GALNT2: variants seen among roughly 807,000 people sequenced by gnomAD.
The protein encoded by GALNT2 is UDP-GalNAc:polypeptide N-acetylgalactosaminyltransferase 2.
Under a neutral mutation model 81.4 loss-of-function variants are expected in GALNT2, and 31 were observed. That is an observed-to-expected ratio of 0.38 (90% CI 0.29 to 0.51). The LOEUF is 0.51. GALNT2 is among the 20% of genes least tolerant of loss of function. The pLI is 0.87. For synonymous variants in GALNT2, 303 were observed against 287.4 expected (o/e 1.05, Z -0.55); for missense variants, 629 against 765.7 (o/e 0.82, Z 2.11).
intron 1 of GALNT2, among the ~76,000 whole-genome samples, chr1:230,134,119 T>TG (rs58535948): frequency 0.049 from 6,663 of 137,270 alleles, 470 homozygotes; most frequent in East Asian, 0.32. Context: ...TCTGTTTTTT[T>TG]TTTTTTTTTT....
At chr1:230,094,416 C>T (rs537298742) in intron 1 of GALNT2, among the ~76,000 whole-genome samples, 3 of 151,940 alleles carry the variant, frequency 2.0e-5, no homozygotes, top group Non-Finnish European at 4.4e-5. Flanking sequence ...GGGTGGATTA[C>T]CTGAGCTCAG....
chr1:230,089,445 G>A (rs923835962), intron 1 of GALNT2, among the ~76,000 whole-genome samples: 1 of 152,088 alleles, frequency 6.6e-6, no homozygotes, highest in African/African-American at 2.4e-5. Flanking sequence ...GAGCCGCAGT[G>A]CCCATAACCA....
chr1:230,250,637 A>G, intron 10 of GALNT2, 77 bp downstream of exon 10: 2 of 1,033,524 alleles, frequency 1.9e-6, no homozygotes, highest in South Asian at 1.6e-5. Context: ...TGGAAAAAAA[A>G]TTTAAAAGGC....
At chr1:230,092,991 C>G (rs1660139963) in intron 1 of GALNT2, among the ~76,000 whole-genome samples, 1 of 152,202 alleles carries the variant, frequency 6.6e-6, no homozygotes, top group Admixed American at 6.5e-5. Context: ...TAATGCTCAG[C>G]ATAATCCTGC....
At chr1:230,260,696 A>G (rs543829156) in intron 11 of GALNT2, among the ~76,000 whole-genome samples, 10 of 152,288 alleles carry the variant, frequency 6.6e-5, no homozygotes, top group African/African-American at 2.4e-4. Context: ...CCCCACTAAC[A>G]ATGTTTAGTG....
At chr1:230,265,404 A>G (rs368968632) in intron 14 of GALNT2, 37 bp downstream of exon 14, 2 of 1,613,540 alleles carry the variant, frequency 1.2e-6, no homozygotes, top group Non-Finnish European at 1.7e-6. Flanking sequence ...CTGCAGGCCC[A>G]GAGAGAGCAG....
intron 3 of GALNT2, among the ~76,000 whole-genome samples, chr1:230,212,124 G>A (rs1004725583): frequency 2.6e-5 from 4 of 152,150 alleles, no homozygotes; most frequent in Admixed American, 6.5e-5. Flanking sequence ...TGTCTATGAG[G>A]CAGACGAGAA....
In GALNT2 at chr1:230,127,210, G is replaced by T. The variant is rs1558096859; in HGVS notation, c.127-51008G>T. 2.0e-5 allele frequency among the ~76,000 whole-genome samples: 3 copies of T among 152,008 alleles called. No homozygotes were observed. The South Asian group carries it at 6.2e-4, about 32-fold the overall frequency. On this transcript the variant is annotated intron_variant, in intron 1 of 15. Transcript: ENST00000366672. ...CTAAATCCTGCTGTGAGCCCCGCCT[G>T]CGCTGGTGCTGTGTGATAAACTGAC...
At chr1:230,163,583 A>G (rs1325860654) in intron 1 of GALNT2, among the ~76,000 whole-genome samples, 1 of 152,204 alleles carries the variant, frequency 6.6e-6, no homozygotes, top group Non-Finnish European at 1.5e-5. Flanking sequence ...CAGTGGATAG[A>G]AAACATGGTT....
chr1:230,172,867 T>C (rs755285270), intron 1 of GALNT2, among the ~76,000 whole-genome samples: 6 of 152,256 alleles, frequency 3.9e-5, no homozygotes, highest in Non-Finnish European at 7.3e-5. Flanking sequence ...TCATAGTATT[T>C]AGATGTCATT....
chr1:230,143,569 G>A (rs1325298543), intron 1 of GALNT2, among the ~76,000 whole-genome samples: 1 of 152,200 alleles, frequency 6.6e-6, no homozygotes, highest in Non-Finnish European at 1.5e-5. Flanking sequence ...TGCAGTAGGG[G>A]CCAAGGAGAA....
In GALNT2 at chr1:230,279,854, G is replaced by A. The variant is rs375249965; in HGVS notation, c.*396G>A. The A allele has an allele frequency of 1.3e-5, 6 of 467,918 alleles. No individual in the cohort carries two copies. The highest frequency in any genetic ancestry group is 1.3e-4 in the East Asian group (2 of 15,074). 29.0% of individuals were successfully genotyped at this position (467,918 alleles called of 1,614,324 possible). On this transcript the variant is annotated 3_prime_UTR_variant, in exon 16 of 16. Transcript: ENST00000366672. This position sits in a 1 kb window ranked among gnomAD's most constrained non-coding sequence, Gnocchi z 4.6. ...GGGGGCACACATGCCCCAGGGGAGC[G>A]AGGAGAACTCTTGAAATCTCCATTT...
intron 2 of GALNT2, among the ~76,000 whole-genome samples, chr1:230,179,673 GTC>G (rs897775388): frequency 6.6e-6 from 1 of 152,168 alleles, no homozygotes; most frequent in Non-Finnish European, 1.5e-5. Flanking sequence ...AGTTTTAAGA[GTC>G]TGTATACATT....
At chr1:230,259,779 A>G (rs1051509603) in intron 11 of GALNT2, 2 of 152,210 alleles carry the variant, frequency 1.3e-5, no homozygotes, top group African/African-American at 4.8e-5. Context: ...AAGACATTAC[A>G]AAAGGCCAAT....
chr1:230,059,806 T>G (rs1659001991), intron 1 of GALNT2, among the ~76,000 whole-genome samples: 1 of 152,214 alleles, frequency 6.6e-6, no homozygotes, highest in South Asian at 2.1e-4. Context: ...TCTCTCTATA[T>G]TTTTCTTGAA....
chr1:230,203,180 A>C lies in GALNT2; in HGVS notation c.264A>C (p.Gly88=), dbSNP rs772290393. The C allele has an allele frequency of 5.0e-6, 8 of 1,614,182 alleles. No homozygotes were observed. The highest frequency in any genetic ancestry group is 6.8e-6 in the Non-Finnish European group (8 of 1,180,012). Residue 88 remains glycine, a synonymous_variant, in exon 3 of 16, where the codon GGA becomes GGC. Transcript: ENST00000366672. ...ACTTTAACCAGGAAGCTTATGTTGG[A>C]GGGACGATGGTCCGCTCCGGGCAGG... ...WPDFNQEAYV[G]GTMVRSGQDP...
At chr1:230,128,657 T>G (rs1027783194) in intron 1 of GALNT2, among the ~76,000 whole-genome samples, 3 of 152,054 alleles carry the variant, frequency 2.0e-5, no homozygotes, top group Non-Finnish European at 4.4e-5. Context: ...AGGCTTTCCT[T>G]TTTTCCCCCA....
chr1:230,211,841 A>G (rs887225613), intron 3 of GALNT2, among the ~76,000 whole-genome samples: 7 of 152,144 alleles, frequency 4.6e-5, no homozygotes, highest in Admixed American at 6.5e-5. Context: ...TATACTTCTG[A>G]TGATGTCGTA....
chr1:230,203,473 T>G (rs1442842758), intron 3 of GALNT2, among the ~76,000 whole-genome samples, 183 bp downstream of exon 3: 1 of 152,198 alleles, frequency 6.6e-6, no homozygotes, highest in African/African-American at 2.4e-5. Flanking sequence ...GGAAGGATGG[T>G]TCTAGATTCA....
Sources: gnomAD v4.1 joint callset for allele counts (sites outside exome capture counted in the v4.1 genomes callset) on GRCh38, gnomAD v4.1.1 for gene constraint, Gnocchi (gnomAD v3.1) non-coding constraint, MANE v1.5 for transcripts, NCBI Gene and HGNC (gene_info 2026-07-23, HGNC 2026-07-21) for gene names.